Variants in RALGAPA1 observed in about 807,000 individuals in gnomAD.
RALGAPA1 encodes the protein Ral GTPase activating protein catalytic subunit alpha 1.
A neutral mutation model predicts 269.6 loss-of-function variants in RALGAPA1; 52 were observed. The observed-to-expected ratio is 0.19, with a 90% CI of 0.15 to 0.24. The LOEUF (loss-of-function observed/expected upper bound fraction) is 0.24, where lower values mean the gene tolerates loss of function less well. RALGAPA1 is among the 10% of genes least tolerant of loss of function. RALGAPA1 has a pLI of 1.00. For synonymous variants in RALGAPA1, 817 were observed against 1,008.3 expected, an observed-to-expected ratio of 0.81 and a Z score of 3.60; for missense variants, 1,917 against 3,013.9, an observed-to-expected ratio of 0.64 and a Z score of 8.52.
intron 17 of RALGAPA1, among the ~76,000 whole-genome samples, chr14:35,694,920 T>C (rs1053146370): frequency 9.9e-5 from 15 of 151,736 alleles, no homozygotes; most frequent in African/African-American, 3.4e-4. Context: ...CTACCAAAAA[T>C]TAAAAAAAAA....
intron 16 of RALGAPA1, among the ~76,000 whole-genome samples, chr14:35,711,775 C>T (rs1393240112): frequency 6.6e-6 from 1 of 152,162 alleles, no homozygotes; most frequent in African/African-American, 2.4e-5. Context: ...GTACCCCACC[C>T]AAGTCCTCTT....
intron 31 of RALGAPA1, among the ~76,000 whole-genome samples, chr14:35,640,074 T>C (rs1165008320): frequency 5.3e-5 from 8 of 151,918 alleles, no homozygotes; most frequent in African/African-American, 1.7e-4. Context: ...ACCTATAGGA[T>C]ACAGTGAAAG....
chr14:35,804,702 G>A (rs1466401273), intron 1 of RALGAPA1, among the ~76,000 whole-genome samples: 5 of 152,076 alleles, frequency 3.3e-5, no homozygotes, highest in Non-Finnish European at 5.9e-5. Context: ...GGGAGGCTGA[G>A]ATGGGAGGAT....
chr14:35,799,809 G>T lies in RALGAPA1; in HGVS notation c.106+8921C>A, dbSNP rs139571788. On this transcript the variant is annotated intron_variant, in intron 1 of 41. Transcript: ENST00000680220. The stretch of plus-strand genomic sequence containing the variant: ...CTCAATTAAAAGGCATAGATAATTA[G>T]GTTAGATAAAAAAGACCCAACCATA... 5.7e-3 allele frequency among the ~76,000 whole-genome samples: 864 copies of T among 152,164 alleles called. 20 individuals are homozygous for T. The highest frequency in any genetic ancestry group is 0.032 in the Admixed American group (482 of 15,270).
chr14:35,619,782 C>T (rs532823469), intron 35 of RALGAPA1, among the ~76,000 whole-genome samples: 5 of 152,296 alleles, frequency 3.3e-5, no homozygotes, highest in Admixed American at 6.5e-5. Context: ...CATACACCCT[C>T]CCAGGACTAA....
chr14:35,610,787 T>A (rs747721032), intron 35 of RALGAPA1, among the ~76,000 whole-genome samples: 2 of 152,162 alleles, frequency 1.3e-5, no homozygotes, highest in African/African-American at 2.4e-5. Flanking sequence ...TCAGCAAGGC[T>A]GCAAGATATA....
chr14:35,792,134 G>C (rs1266381379), intron 1 of RALGAPA1, among the ~76,000 whole-genome samples: 1 of 152,004 alleles, frequency 6.6e-6, no homozygotes, highest in Admixed American at 6.6e-5. Context: ...AAGCCATAGA[G>C]GGTTTTAGAG....
At chr14:35,657,768 T>C (rs1364359947) in intron 28 of RALGAPA1, among the ~76,000 whole-genome samples, 3 of 151,832 alleles carry the variant, frequency 2.0e-5, no homozygotes, top group Non-Finnish European at 4.4e-5. Flanking sequence ...TTGCCACTTA[T>C]TAATTGTGCA....
intron 1 of RALGAPA1, among the ~76,000 whole-genome samples, chr14:35,791,679 G>C (rs1389623109): frequency 2.6e-5 from 4 of 151,660 alleles, no homozygotes; most frequent in African/African-American, 9.7e-5. Context: ...GGCTGAGGTG[G>C]GCGGATCACG....
intron 27 of RALGAPA1, among the ~76,000 whole-genome samples, chr14:35,661,121 G>A (rs2063512485): frequency 6.6e-6 from 1 of 151,926 alleles, no homozygotes; most frequent in Non-Finnish European, 1.5e-5. Context: ...GTAGATCTTG[G>A]TTTCTTTTAC....
At chr14:35,671,300 C>A in intron 26 of RALGAPA1, 89 bp downstream of exon 26, 1 of 1,221,964 alleles carries the variant, frequency 8.2e-7, no homozygotes, top group Non-Finnish European at 1.1e-6. Flanking sequence ...GCAAAATTTC[C>A]TGATTATCAG....
intron 3 of RALGAPA1, among the ~76,000 whole-genome samples, chr14:35,772,243 A>G (rs192402060): frequency 8.5e-5 from 13 of 152,104 alleles, no homozygotes; most frequent in Admixed American, 8.5e-4. Context: ...TTTTGTGGAG[A>G]TGGAGTATTA....
chr14:35,620,742 A>C (rs946417790), intron 35 of RALGAPA1, among the ~76,000 whole-genome samples: 1 of 152,250 alleles, frequency 6.6e-6, no homozygotes, highest in Non-Finnish European at 1.5e-5. Flanking sequence ...GAGTCAAATC[A>C]TGAGTGAACT....
At chr14:35,754,185 AT>A (rs2072981445) in intron 7 of RALGAPA1, among the ~76,000 whole-genome samples, 1 of 152,178 alleles carries the variant, frequency 6.6e-6, no homozygotes, top group Non-Finnish European at 1.5e-5. Flanking sequence ...GTGACATTTG[AT>A]TAGGCAAAGA....
intron 5 of RALGAPA1, among the ~76,000 whole-genome samples, chr14:35,761,648 A>T (rs2073716231): frequency 6.6e-6 from 1 of 152,218 alleles, no homozygotes; most frequent in South Asian, 2.1e-4. Context: ...ACAGAAGACA[A>T]TAAATATTTT....
intron 10 of RALGAPA1, among the ~76,000 whole-genome samples, chr14:35,744,642 A>C (rs550317864): frequency 1.3e-5 from 2 of 152,248 alleles, no homozygotes; most frequent in Admixed American, 6.5e-5. Context: ...TAAACCTTTT[A>C]TTTGCTATTA....
At chr14:35,690,750 A>G (rs893925849) in intron 17 of RALGAPA1, among the ~76,000 whole-genome samples, 10 of 152,110 alleles carry the variant, frequency 6.6e-5, no homozygotes, top group Non-Finnish European at 1.3e-4. Flanking sequence ...TCTAAAAACT[A>G]TATTTCTGGC....
At chr14:35,680,627 T>C (rs2065349139) in intron 21 of RALGAPA1, among the ~76,000 whole-genome samples, 1 of 152,082 alleles carries the variant, frequency 6.6e-6, no homozygotes, top group African/African-American at 2.4e-5. Context: ...TTTTTTGTTT[T>C]TGTTTGAGAC....
chr14:35,612,544 T>C (rs10145359), intron 35 of RALGAPA1, among the ~76,000 whole-genome samples: 13 of 127,712 alleles, frequency 1.0e-4, no homozygotes, highest in African/African-American at 1.9e-4. Context: ...TCTTCTTCTT[T>C]TTTTTTTTTT....
Sources: allele counts gnomAD v4.1 joint callset (sites outside exome capture counted in the v4.1 genomes callset), GRCh38; gene constraint gnomAD v4.1.1; transcripts MANE v1.5; gene names NCBI Gene and HGNC (gene_info 2026-07-23, HGNC 2026-07-21).